PRKG1: variants seen among roughly 807,000 people sequenced by gnomAD.
PRKG1 encodes protein kinase cGMP-dependent 1.
PRKG1 carries 35 observed loss-of-function variants against 88.1 expected under a neutral mutation model. That is an observed-to-expected ratio of 0.40 (90% CI 0.30 to 0.53). The LOEUF is 0.53. PRKG1 is among the 20% of genes least tolerant of loss of function. The pLI is 0.59. For synonymous variants in PRKG1, 303 were observed against 292.5 expected, an observed-to-expected ratio of 1.04 and a Z score of -0.37; for missense variants, 540 against 839.8, an observed-to-expected ratio of 0.64 and a Z score of 4.41.
In PRKG1 at chr10:51,467,787, T is replaced by C; in HGVS notation, c.543T>C (p.Phe181=). ...GTACCATGGGTCCAGGAAAAGTGTT[T>C]GGGGAATTGGCTATTCTTTACAACT... is the stretch of plus-strand genomic sequence containing the variant. ...KLCTMGPGKV[F]GELAILYNCT... Residue 181 remains phenylalanine (F), a synonymous_variant, in exon 3 of 18, where the codon TTT becomes TTC. Coordinates refer to ENST00000373980, the MANE Select transcript of PRKG1 (RefSeq NM_006258.4). 6.2e-7 allele frequency: 1 copy of C among 1,613,056 alleles called. No individual in the cohort carries two copies. Among genetic ancestry groups the C allele is most frequent in the Non-Finnish European group, 8.5e-7 (1 of 1,179,106 alleles).
chr10:50,994,753 C>T (rs189181880), intron 1 of PRKG1, among the ~76,000 whole-genome samples: 166 of 150,886 alleles, frequency 1.1e-3, no homozygotes, highest in African/African-American at 3.9e-3. Flanking sequence ...GCAGTCGGCC[C>T]CTTCTATCCA....
intron 9 of PRKG1, among the ~76,000 whole-genome samples, chr10:52,223,135 T>G (rs867725246): frequency 6.6e-5 from 10 of 152,246 alleles, no homozygotes; most frequent in Middle Eastern, 3.4e-3. Context: ...CAAAAACACT[T>G]TATCTCCATA....
chr10:52,233,355 G>A lies in PRKG1; in HGVS notation c.1077-18215G>A, dbSNP rs549509980. On this transcript the variant is annotated intron_variant, in intron 9 of 17. Transcript: ENST00000373980. ...ATAGCTCCGGTCTACAGCTCCCAGC[G>A]TGAGCGACGCAGAAGACGGGTGATT... Among the ~76,000 whole-genome samples, 18 of 152,070 alleles carry A rather than the reference G, an allele frequency of 1.2e-4. No homozygotes were observed. The South Asian group carries it at 2.3e-3, about 19-fold the overall frequency.
intron 4 of PRKG1, among the ~76,000 whole-genome samples, chr10:51,814,421 G>A (rs1020576933): frequency 3.4e-5 from 5 of 147,176 alleles, no homozygotes; most frequent in African/African-American, 1.3e-4. Context: ...AACAATTTGG[G>A]GGCTGTTAGA....
chr10:52,076,715 G>A (rs1846638006), intron 7 of PRKG1, among the ~76,000 whole-genome samples: 1 of 152,144 alleles, frequency 6.6e-6, no homozygotes, highest in South Asian at 2.1e-4. Flanking sequence ...AATATATACA[G>A]AGCTCTCAAA....
Position 52,021,179 on chromosome 10 carries a change from G to A in PRKG1, c.763-33305G>A, listed in dbSNP as rs567679358. ...CTCAACTGCCAGACTGTGCAGGGAG[G>A]AACAAGTCATTCAGTGTTACTAGAG... On this transcript the variant is annotated intron_variant, in intron 5 of 17. Transcript: ENST00000373980. Among the ~76,000 whole-genome samples, 74 of 152,320 alleles carry A rather than the reference G, an allele frequency of 4.9e-4. 1 individual carries two copies. Among genetic ancestry groups the A allele is most frequent in the South Asian group, 3.5e-3 (17 of 4,828 alleles).
intron 2 of PRKG1, among the ~76,000 whole-genome samples, chr10:51,351,968 C>T (rs1474460965): frequency 6.6e-6 from 1 of 152,192 alleles, no homozygotes; most frequent in Non-Finnish European, 1.5e-5. Flanking sequence ...ATATGGCTAG[C>T]CGTTTCTCCC....
chr10:51,665,462 C>T (rs1330230353), intron 3 of PRKG1, among the ~76,000 whole-genome samples: 21 of 151,944 alleles, frequency 1.4e-4, no homozygotes, highest in Admixed American at 1.2e-3. Flanking sequence ...ATTTTAAGAC[C>T]GTATGATCAG....
intron 3 of PRKG1, among the ~76,000 whole-genome samples, chr10:51,611,043 G>T (rs10740313): frequency 0.59 from 89,181 of 150,946 alleles, 28,114 homozygotes; most frequent in South Asian, 0.79. Context: ...ATGCATCCTG[G>T]AACTTACAGT....
At chr10:52,096,714 C>T (rs1589603122) in intron 7 of PRKG1, among the ~76,000 whole-genome samples, 1 of 152,044 alleles carries the variant, frequency 6.6e-6, no homozygotes, top group Non-Finnish European at 1.5e-5. Flanking sequence ...TGTGTTTGTA[C>T]ATCTATGCAC....
chr10:52,064,256 T>A (rs1210683112), intron 7 of PRKG1, among the ~76,000 whole-genome samples: 1 of 151,962 alleles, frequency 6.6e-6, no homozygotes, highest in African/African-American at 2.4e-5. Flanking sequence ...GGGGGGTGAG[T>A]TGTCAGGGGA....
At chr10:51,801,368 G>A (rs1839169752) in intron 3 of PRKG1, among the ~76,000 whole-genome samples, 1 of 151,882 alleles carries the variant, frequency 6.6e-6, no homozygotes, top group South Asian at 2.1e-4. Context: ...ATTTTTCAAC[G>A]ATTTAAAAAT....
chr10:51,321,640 G>A (rs1340940640), intron 2 of PRKG1, among the ~76,000 whole-genome samples: 5 of 152,102 alleles, frequency 3.3e-5, no homozygotes, highest in South Asian at 2.1e-4. Flanking sequence ...CGGGGGGATG[G>A]TTAATGGGTA....
rs192096159 is a variant in PRKG1 at position 51,936,727 on chromosome 10, T to A, written c.762+29157T>A. Among the ~76,000 whole-genome samples, 1,052 of 152,166 alleles carry A rather than the reference T, an allele frequency of 6.9e-3. 10 individuals are homozygous for A. The highest frequency in any genetic ancestry group is 0.022 in the African/African-American group (909 of 41,568). On this transcript the variant is annotated intron_variant, in intron 5 of 17. Coordinates refer to ENST00000373980, the MANE Select transcript of PRKG1 (RefSeq NM_006258.4). ...GATGCTGGCTTAAAAACAATTTTTTTAAAAATTTTTTTGCTTGCATAAACA... is the reference window on the plus strand; with the variant it reads ...GATGCTGGCTTAAAAACAATTTTTTAAAAAATTTTTTTGCTTGCATAAACA...
At chr10:52,026,936 C>T (rs2133202728) in intron 5 of PRKG1, among the ~76,000 whole-genome samples, 1 of 152,226 alleles carries the variant, frequency 6.6e-6, no homozygotes, top group South Asian at 2.1e-4. Context: ...GATCGCTCGC[C>T]ACTGCACTCC....
rs376336909 is a variant in PRKG1 at position 52,202,611 on chromosome 10, ACTT to A, written c.1076+40655_1076+40657del. On this transcript the variant is annotated intron_variant, in intron 9 of 17. Coordinates refer to ENST00000373980, the MANE Select transcript of PRKG1 (RefSeq NM_006258.4). Reference sequence around the variant, plus strand: ...GAATAGTTTCCACAGGAATGGTACCACTTCTTCTTTATATATCTTATAGAATTT... The same window carrying A: ...GAATAGTTTCCACAGGAATGGTACCACTTCTTTATATATCTTATAGAATTT... Among the ~76,000 whole-genome samples, 44 of 151,390 alleles carry A rather than the reference ACTT, an allele frequency of 2.9e-4. No homozygotes were observed. In the East Asian group the frequency reaches 7.6e-3, roughly 26 times the overall value.
intron 1 of PRKG1, among the ~76,000 whole-genome samples, chr10:51,004,467 G>C (rs1292367163): frequency 6.6e-6 from 1 of 151,584 alleles, no homozygotes; most frequent in East Asian, 1.9e-4. Flanking sequence ...CTCAAAATCA[G>C]AACAAAACAA....
At chr10:51,784,429 T>C (rs1300123306) in intron 3 of PRKG1, among the ~76,000 whole-genome samples, 1 of 152,144 alleles carries the variant, frequency 6.6e-6, no homozygotes, top group African/African-American at 2.4e-5. Context: ...AAGCATACGT[T>C]GGTCATCTCT....
At chr10:51,345,055 A>G (rs565061447) in intron 2 of PRKG1, among the ~76,000 whole-genome samples, 1 of 152,324 alleles carries the variant, frequency 6.6e-6, no homozygotes, top group Admixed American at 6.5e-5. Context: ...TCTTGAAAAC[A>G]ATAATAATTA....
Sources: allele counts gnomAD v4.1 joint callset (sites outside exome capture counted in the v4.1 genomes callset), GRCh38; gene constraint gnomAD v4.1.1; transcripts MANE v1.5; gene names NCBI Gene and HGNC (gene_info 2026-07-23, HGNC 2026-07-21).